Variants in FEZ1 observed in about 807,000 individuals in gnomAD.
FEZ1 encodes fasciculation and elongation protein zeta-1.
Under a neutral mutation model 49.3 loss-of-function variants are expected in FEZ1, and 20 were observed. The observed-to-expected ratio is 0.41, with a 90% CI of 0.29 to 0.59. The LOEUF (loss-of-function observed/expected upper bound fraction) is 0.59, where lower values mean the gene tolerates loss of function less well. FEZ1 is among the 20% of genes least tolerant of loss of function. The pLI, the probability that FEZ1 is intolerant of heterozygous loss-of-function variation, is 0.36. For missense variants in FEZ1, 413 were observed against 476.0 expected (o/e 0.87, Z 1.23); for synonymous variants, 170 against 180.9 (o/e 0.94, Z 0.48).
At position 125,495,835 on chromosome 11, in the gene FEZ1, C is replaced by CACACACA. The variant is rs1565308751; in HGVS notation, c.-46+285_-46+286insTGTGTGT. On this transcript the variant is annotated intron_variant, in intron 1 of 9. Coordinates refer to ENST00000278919, the MANE Select transcript of FEZ1 (RefSeq NM_005103.5). This position sits in a 1 kb window ranked among gnomAD's most constrained non-coding sequence, Gnocchi z 4.2. ...ACACACACACACACACACACACACA[C>CACACACA]CAGGCCTGGCTGGAGGGCCGATGCT... 3.9e-5 allele frequency: 12 copies of CACACACA among 307,162 alleles called. No homozygotes were observed. The highest frequency in any genetic ancestry group is 1.6e-4 in the African/African-American group (7 of 43,702). 19.0% of individuals were successfully genotyped at this position (307,162 alleles called of 1,614,324 possible). A position where few individuals can be genotyped will look rare whatever the true frequency, so the allele number is the denominator to read the frequency against.
intron 3 of FEZ1, among the ~76,000 whole-genome samples, chr11:125,469,408 G>A (rs1957163820): frequency 6.6e-6 from 1 of 152,208 alleles, no homozygotes; most frequent in Non-Finnish European, 1.5e-5. Context: ...ACTGGCGCAT[G>A]CCACCATGCC....
intron 5 of FEZ1, among the ~76,000 whole-genome samples, chr11:125,457,884 G>A (rs1471686271): frequency 2.0e-5 from 3 of 152,036 alleles, no homozygotes; most frequent in East Asian, 1.9e-4. Context: ...TGCTTTGCCC[G>A]GATATTTGCT....
intron 3 of FEZ1, among the ~76,000 whole-genome samples, chr11:125,475,107 T>C (rs1591595256): frequency 6.6e-6 from 1 of 151,994 alleles, no homozygotes; most frequent in East Asian, 1.9e-4. Context: ...TCATCTCTTC[T>C]AAAAATACAA....
intron 3 of FEZ1, among the ~76,000 whole-genome samples, chr11:125,473,790 G>T (rs1187409764): frequency 1.4e-5 from 2 of 145,710 alleles, no homozygotes; most frequent in Non-Finnish European, 3.0e-5. Flanking sequence ...CTGCACTCCA[G>T]CCTGGGCAAC....
rs918737552 is a variant in FEZ1 at position 125,477,453 on chromosome 11, C to T, written c.411+4081G>A. On this transcript the variant is annotated intron_variant, in intron 3 of 9. Coordinates refer to ENST00000278919, the MANE Select transcript of FEZ1 (RefSeq NM_005103.5). ...CTGGGAGGTGGATGTTGCAGTGAGC[C>T]GAGATCGTGCCACTGCACTCCAGCC... Among the ~76,000 whole-genome samples the T allele has an allele frequency of 4.6e-5, 7 of 152,062 alleles. No individual in the cohort carries two copies. In the East Asian group the frequency reaches 1.2e-3, roughly 25 times the overall value.
chr11:125,448,227 T>C (rs957322525), intron 9 of FEZ1, among the ~76,000 whole-genome samples: 8 of 152,256 alleles, frequency 5.3e-5, no homozygotes, highest in African/African-American at 1.7e-4. Flanking sequence ...AAATACTAAG[T>C]AGCCCAAACT....
In FEZ1 at chr11:125,454,292, T is replaced by A. The variant is rs1487541903; in HGVS notation, c.940-82A>T. The stretch of plus-strand genomic sequence containing the variant: ...CCCAGGGACCTCTCAGCTACCAGGC[T>A]GTCCCAGATAACGCCCCAGGGTTCT... On this transcript the variant is annotated intron_variant, in intron 6 of 9. Transcript: ENST00000278919. 3.8e-6 allele frequency: 4 copies of A among 1,045,860 alleles called. No individual in the cohort carries two copies. The East Asian group carries it at 7.4e-5, about 19-fold the overall frequency. The allele number at this position is 1,045,860 out of a possible 1,614,324, so 64.8% of individuals were successfully genotyped here.
At chr11:125,467,201 G>T (rs1462472898) in intron 3 of FEZ1, among the ~76,000 whole-genome samples, 1 of 151,854 alleles carries the variant, frequency 6.6e-6, no homozygotes, top group African/African-American at 2.4e-5. Flanking sequence ...ACCTGACTAA[G>T]ATTTTTTTTG....
intron 9 of FEZ1, among the ~76,000 whole-genome samples, chr11:125,447,576 C>T (rs1313814555): frequency 1.3e-5 from 2 of 152,160 alleles, no homozygotes; most frequent in African/African-American, 4.8e-5. Context: ...AATCCCAGCA[C>T]TTTGGGAGGC....
At chr11:125,487,410 C>T (rs896270012) in intron 2 of FEZ1, among the ~76,000 whole-genome samples, 3 of 152,078 alleles carry the variant, frequency 2.0e-5, no homozygotes, top group Admixed American at 6.5e-5. Flanking sequence ...GGTCACACAG[C>T]GAGTTAGAGA....
Position 125,455,920 on chromosome 11 carries a change from C to G in FEZ1, c.854G>C (p.Arg285Pro). 6.2e-7 allele frequency: 1 copy of G among 1,613,498 alleles called. No individual in the cohort carries two copies. Among genetic ancestry groups the G allele is most frequent in the Non-Finnish European group, 8.5e-7 (1 of 1,179,960 alleles). Residue 285 changes from arginine to proline, a missense_variant, in exon 6 of 10, where the codon CGA becomes CCA. Physicochemically the swap from Arg to Pro is moderately radical, Grantham distance 103. Transcript: ENST00000278919. ...IEVQNKQKEQ[R>P]ELMKKRRKEK... The stretch of plus-strand genomic sequence containing the variant: ...TTTCCGCCTCTTTTTCATCAGTTCT[C>G]GCTGCTCCTTCTGCTTGTTCTGAAC...
chr11:125,473,518 T>C (rs903542881), intron 3 of FEZ1, among the ~76,000 whole-genome samples: 6 of 152,050 alleles, frequency 3.9e-5, no homozygotes, highest in South Asian at 4.1e-4. Context: ...CTCCATACTA[T>C]ATACAAAACT....
chr11:125,486,846 A>C (rs1444770273), intron 2 of FEZ1, among the ~76,000 whole-genome samples: 1 of 152,226 alleles, frequency 6.6e-6, no homozygotes, highest in African/African-American at 2.4e-5. Context: ...TCACAGTTGA[A>C]ATATCTGGAT....
At chr11:125,458,725 C>T (rs1247802642) in intron 5 of FEZ1, among the ~76,000 whole-genome samples, 3 of 152,152 alleles carry the variant, frequency 2.0e-5, no homozygotes, top group African/African-American at 7.2e-5. Context: ...TCTTGTCATT[C>T]TTATAATTCA....
intron 3 of FEZ1, chr11:125,468,901 A>C: frequency 6.6e-6 from 1 of 152,240 alleles, no homozygotes; most frequent in East Asian, 1.9e-4. Flanking sequence ...AAGGGACTGC[A>C]TCCTCTCAGC....
intron 1 of FEZ1, among the ~76,000 whole-genome samples, chr11:125,493,537 A>T (rs966000076): frequency 2.6e-5 from 4 of 151,340 alleles, no homozygotes; most frequent in Non-Finnish European, 5.9e-5. Context: ...AAAGAAAGAA[A>T]GAAAGAAAGA....
In FEZ1 at chr11:125,449,417, TA is replaced by T. The variant is rs35920814; in HGVS notation, c.1097-851del. The stretch of plus-strand genomic sequence containing the variant: ...ACAACATAGCAAGACTTTGTCTCTA[TA>T]AAAAAAAAAAAAAAAAAAAAAAAAA... On this transcript the variant is annotated intron_variant, in intron 8 of 9. Coordinates refer to ENST00000278919, the MANE Select transcript of FEZ1 (RefSeq NM_005103.5). Among the ~76,000 whole-genome samples, 196 of 26,988 alleles carry T rather than the reference TA, an allele frequency of 7.3e-3. 1 individual carries two copies. Among genetic ancestry groups the T allele is most frequent in the African/African-American group, 0.023 (164 of 7,000 alleles). 17.7% of individuals were successfully genotyped at this position (26,988 alleles called of 152,430 possible). A position where few individuals can be genotyped will look rare whatever the true frequency, so the allele number is the denominator to read the frequency against.
intron 7 of FEZ1, 197 bp downstream of exon 7, chr11:125,453,928 CAAAAA>C (rs34707154): frequency 1.9e-3 from 464 of 244,462 alleles, no homozygotes; most frequent in South Asian, 3.1e-3. Context: ...CACTAGAGCT[CAAAAA>C]AAAAAAAAAA....
intron 2 of FEZ1, among the ~76,000 whole-genome samples, chr11:125,487,959 T>C (rs992205997): frequency 2.0e-5 from 3 of 152,180 alleles, no homozygotes; most frequent in Non-Finnish European, 4.4e-5. Context: ...ACCCCATTAT[T>C]TGTGGGCCAT....
Sources: gnomAD v4.1 joint callset for allele counts (sites outside exome capture counted in the v4.1 genomes callset) on GRCh38, gnomAD v4.1.1 for gene constraint, Gnocchi (gnomAD v3.1) non-coding constraint, MANE v1.5 for transcripts, NCBI Gene and HGNC (gene_info 2026-07-23, HGNC 2026-07-21) for gene names.